Variants in HDC observed in about 807,000 individuals in gnomAD.
The protein encoded by HDC is histidine decarboxylase.
Under a neutral mutation model 64.4 loss-of-function variants are expected in HDC, and 27 were observed. That is an observed-to-expected ratio of 0.42 (90% CI 0.31 to 0.58). The LOEUF (loss-of-function observed/expected upper bound fraction) is 0.58. Ranked by LOEUF, HDC falls within the 20% of genes least tolerant of loss-of-function variation. The pLI, the probability that HDC is intolerant of heterozygous loss-of-function variation, is 0.16. For synonymous variants in HDC, 305 were observed against 314.2 expected (o/e 0.97, Z 0.31); for missense variants, 711 against 833.9 (o/e 0.85, Z 1.81).
intron 2 of HDC, among the ~76,000 whole-genome samples, chr15:50,258,848 C>T (rs772583426): frequency 5.3e-5 from 8 of 152,106 alleles, no homozygotes; most frequent in Non-Finnish European, 8.8e-5. Flanking sequence ...ACCCCTCATG[C>T]CGCCCCTGCC....
rs1372969793 is a variant in HDC, at chr15:50,242,142, A to G, written c.*118T>C. ...CCCCTATGAGAATTTGATTAAAATT[A>G]TGAACTCGCCCCAAGAAAAATGCAT... On this transcript the variant is annotated 3_prime_UTR_variant, in exon 12 of 12. Transcript: ENST00000267845. 6 of 867,650 alleles carry G rather than the reference A, an allele frequency of 6.9e-6. No individual in the cohort carries two copies. Among genetic ancestry groups the G allele is most frequent in the Non-Finnish European group, 1.2e-5 (6 of 519,754 alleles). The allele number at this position is 867,650 out of a possible 1,614,324, so 53.7% of individuals were successfully genotyped here.
chr15:50,250,041 CAA>C (rs2045534048), intron 9 of HDC, among the ~76,000 whole-genome samples: 1 of 152,216 alleles, frequency 6.6e-6, no homozygotes, highest in Non-Finnish European at 1.5e-5. Flanking sequence ...GCTCCCTTGC[CAA>C]GGCTAAGGTA....
Position 50,242,366 on chromosome 15 carries a change from C to T in HDC, c.1883G>A (p.Ser628Asn). The change falls in exon 12 of 12, where the codon AGT becomes AAT. Residue 628 changes from serine to asparagine, a missense_variant. Physicochemically the swap from Ser to Asn is conservative, Grantham distance 46. Around this residue, in one of 3 missense-constraint regions of HDC, gnomAD observed 483 missense variants for 540.9 expected, o/e 0.89. Coordinates refer to ENST00000267845, the MANE Select transcript of HDC (RefSeq NM_002112.4). Reference sequence around the variant, plus strand: ...GAATTTGATGAGTTTTTTGAAGGCACTTTTCTTCAGCATCATCATGTCTTC... The same window carrying T: ...GAATTTGATGAGTTTTTTGAAGGCATTTTTCTTCAGCATCATCATGTCTTC... ...FPEDMMMLKK[S>N]AFKKLIKFYS... is the part of the protein sequence containing the mutation. 6.2e-7 allele frequency: 1 copy of T among 1,614,148 alleles called. No individual in the cohort carries two copies.
chr15:50,245,496 C>T (rs565592206), intron 10 of HDC, among the ~76,000 whole-genome samples: 2 of 152,250 alleles, frequency 1.3e-5, no homozygotes, highest in African/African-American at 4.8e-5. Flanking sequence ...AAGAGGTACT[C>T]ATTGAGTACT....
intron 10 of HDC, among the ~76,000 whole-genome samples, chr15:50,246,460 G>T (rs1472996525): frequency 1.3e-5 from 2 of 152,212 alleles, no homozygotes; most frequent in East Asian, 3.8e-4. Context: ...GCTTCTAGTG[G>T]AAGCAGAATT....
Position 50,242,304 on chromosome 15 carries a change from A to G in HDC, c.1945T>C (p.Cys649Arg), listed in dbSNP as rs1453524865. 6.2e-7 allele frequency: 1 copy of G among 1,614,066 alleles called. No homozygotes were observed. Among genetic ancestry groups the G allele is most frequent in the Non-Finnish European group, 8.5e-7 (1 of 1,180,036 alleles). ...VPSFPECSSQCGLQLPCCPLQ... is the reference protein window; with the variant it reads ...VPSFPECSSQRGLQLPCCPLQ... ...GGGCAACAGGGCAGCTGGAGTCCAC[A>G]TTGAGAGCTGCATTCAGGAAAGCTG... Residue 649 changes from cysteine (C) to arginine (R), a missense_variant, in exon 12 of 12, where the codon TGT becomes CGT. Cys to Arg is a radical substitution (Grantham distance 180). This residue lies in a region of HDC where 483 missense variants were observed against 540.9 expected (regional missense o/e 0.89). Coordinates refer to ENST00000267845, the MANE Select transcript of HDC (RefSeq NM_002112.4).
chr15:50,248,266 A>G lies in HDC; in HGVS notation c.1119T>C (p.Asn373=). 1 of 1,613,588 alleles carries G rather than the reference A, an allele frequency of 6.2e-7. No homozygotes were observed. The highest frequency in any genetic ancestry group is 8.5e-7 in the Non-Finnish European group (1 of 1,179,452). ...WFVIRSFGVK[N]LQAHVRHGTE... ...ATACATGTCTGACATGTGCTTGAAG[A>G]TTCTTCACCCCGAAGGACCGAATCA... is the stretch of plus-strand genomic sequence containing the variant. Residue 373 remains asparagine (N), a synonymous_variant, in exon 10 of 12, where the codon AAT becomes AAC. Coordinates refer to ENST00000267845, the MANE Select transcript of HDC (RefSeq NM_002112.4). This position sits in a 1 kb window ranked among gnomAD's most constrained non-coding sequence, Gnocchi z 4.3.
In HDC at chr15:50,242,655, C is replaced by A. The variant is rs201940833; in HGVS notation, c.1594G>T (p.Gly532Cys). 6.2e-7 allele frequency: 1 copy of A among 1,614,144 alleles called. No individual in the cohort carries two copies. Among genetic ancestry groups the A allele is most frequent in the Non-Finnish European group, 8.5e-7 (1 of 1,180,030 alleles). The change falls in exon 12 of 12, where the codon GGT becomes TGT. Residue 532 changes from glycine to cysteine, a missense_variant. Gly to Cys is a radical substitution (Grantham distance 159). Transcript: ENST00000267845. ...AGGCCATTTTCCCTTTTCATGGGAC[C>A]GGCTCCCACACGCTGAGGCTGCTTG... ...IIKQPQRVGA[G>C]PMKRENGLHL...
chr15:50,257,988 G>T (rs755681254), intron 3 of HDC, among the ~76,000 whole-genome samples: 1 of 149,994 alleles, frequency 6.7e-6, no homozygotes. Flanking sequence ...GCTGAGTGGT[G>T]CTTAAGGGGT....
chr15:50,249,936 G>C (rs910681273), intron 9 of HDC, among the ~76,000 whole-genome samples: 1 of 152,176 alleles, frequency 6.6e-6, no homozygotes, highest in Non-Finnish European at 1.5e-5. Flanking sequence ...ATTTTCTGTT[G>C]GATCAAAAAA....
At chr15:50,260,001 T>C (rs2045681723) in intron 2 of HDC, among the ~76,000 whole-genome samples, 2 of 151,302 alleles carry the variant, frequency 1.3e-5, no homozygotes, top group Admixed American at 6.6e-5. Flanking sequence ...ACCATTTGTG[T>C]GGGTCTCTTT....
chr15:50,253,806 T>C (rs2045590099), intron 6 of HDC, 140 bp from the exon 7 acceptor site: 1 of 751,220 alleles, frequency 1.3e-6, no homozygotes, highest in Admixed American at 2.1e-5. Flanking sequence ...TGTTTTACCA[T>C]GGCTCGTAAG....
rs2045507980 is a variant in HDC at position 50,248,225 on chromosome 15, C to CA, written c.1140+19dup. The CA allele has an allele frequency of 6.5e-7, 1 of 1,541,272 alleles. No individual in the cohort carries two copies. Among genetic ancestry groups the CA allele is most frequent in the East Asian group, 2.2e-5 (1 of 44,558 alleles). ...AACAGAGGAACACAGGCTCAGCCCCCACAGCAGCATGCTACATACATGTCT... is the reference window on the plus strand; with the variant it reads ...AACAGAGGAACACAGGCTCAGCCCCCAACAGCAGCATGCTACATACATGTCT... On this transcript the variant is annotated intron_variant, in intron 10 of 11. Transcript: ENST00000267845. The surrounding 1 kb of genome is among the most constrained non-coding windows in gnomAD (Gnocchi z 4.3).
At position 50,242,242 on chromosome 15, in the gene HDC, T is replaced by A; in HGVS notation, c.*18A>T. ...GTCCCTGAAGTATATCCTCAGACTC[T>A]GGCTGAAGGCCCTGTGTCTAAACCA... On this transcript the variant is annotated 3_prime_UTR_variant, in exon 12 of 12. Transcript: ENST00000267845. 1 of 1,608,370 alleles carries A rather than the reference T, an allele frequency of 6.2e-7. No homozygotes were observed. Among genetic ancestry groups the A allele is most frequent in the Non-Finnish European group, 8.5e-7 (1 of 1,174,790 alleles).
At chr15:50,262,176 G>T (rs2045712961) in intron 2 of HDC, among the ~76,000 whole-genome samples, 1 of 152,006 alleles carries the variant, frequency 6.6e-6, no homozygotes, top group Non-Finnish European at 1.5e-5. Context: ...GCAATGCTAG[G>T]GGCCCAGGCT....
chr15:50,260,204 A>G (rs2045684467), intron 2 of HDC, among the ~76,000 whole-genome samples: 1 of 151,610 alleles, frequency 6.6e-6, no homozygotes, highest in Non-Finnish European at 1.5e-5. Context: ...TGTATTTTTA[A>G]TAGAGACAGT....
intron 9 of HDC, among the ~76,000 whole-genome samples, chr15:50,250,755 A>G (rs1357286541): frequency 6.6e-6 from 1 of 152,178 alleles, no homozygotes; most frequent in South Asian, 2.1e-4. Flanking sequence ...TTCATTAAAA[A>G]TCTCTGAAAA....
chr15:50,252,594 C>A lies in HDC; in HGVS notation c.950+18G>T. On this transcript the variant is annotated intron_variant, in intron 8 of 11. Transcript: ENST00000267845. ...GCAAGGCGTTCCTGCGTGCTCGGAG[C>A]TGGGCTGCTACACTCACCAGAACCC... 2.5e-6 allele frequency: 4 copies of A among 1,614,178 alleles called. No homozygotes were observed. Among genetic ancestry groups the A allele is most frequent in the South Asian group, 1.1e-5 (1 of 91,084 alleles).
rs528029776 is a variant in HDC at position 50,248,361 on chromosome 15, C to T, written c.1042-18G>A. ...TGCCAGTGCTAGAAACAAAGGAACA[C>T]AGTGCCCAAGGTTAGAGACAAGGGT... On this transcript the variant is annotated intron_variant, in intron 9 of 11. Coordinates refer to ENST00000267845, the MANE Select transcript of HDC (RefSeq NM_002112.4). This position sits in a 1 kb window ranked among gnomAD's most constrained non-coding sequence, Gnocchi z 4.3. 9 of 1,589,286 alleles carry T rather than the reference C, an allele frequency of 5.7e-6. No individual in the cohort carries two copies. The African/African-American group carries it at 8.0e-5, about 14-fold the overall frequency.
Sources: gnomAD v4.1 joint callset for allele counts (sites outside exome capture counted in the v4.1 genomes callset) on GRCh38, gnomAD v4.1.1 for gene constraint, gnomAD v4.1.1 regional missense constraint, Gnocchi (gnomAD v3.1) non-coding constraint, MANE v1.5 for transcripts, NCBI Gene and HGNC (gene_info 2026-07-23, HGNC 2026-07-21) for gene names.